The following KLHL29 variants were observed in gnomAD, a reference collection of about 807,000 sequenced individuals.
KLHL29 encodes the protein kelch like family member 29, also known as kelch-like protein 29.
In KLHL29, 21 loss-of-function variants were observed where a neutral mutation model predicts 80.4. The observed-to-expected ratio is 0.26, with a 90% confidence interval of 0.19 to 0.38. The LOEUF (loss-of-function observed/expected upper bound fraction) is 0.38, where lower values mean the gene tolerates loss of function less well. Ranked by LOEUF, KLHL29 falls within the 10% of genes least tolerant of loss-of-function variation. KLHL29 has a pLI of 1.00. For missense variants in KLHL29, 867 were observed against 1,223.9 expected (o/e 0.71, Z 4.35); for synonymous variants, 511 against 526.8 (o/e 0.97, Z 0.41).
chr2:23,469,233 T>C (rs1165917754), intron 1 of KLHL29, among the ~76,000 whole-genome samples: 1 of 151,864 alleles, frequency 6.6e-6, no homozygotes, highest in Non-Finnish European at 1.5e-5. Flanking sequence ...TAGATGGGAG[T>C]AGGCGCTGTG....
intron 1 of KLHL29, among the ~76,000 whole-genome samples, chr2:23,398,988 A>G (rs551228406): frequency 2.5e-4 from 38 of 152,324 alleles, no homozygotes; most frequent in African/African-American, 8.2e-4. Context: ...GAGTGGTTGG[A>G]TGGCAAGCAT....
chr2:23,516,192 A>G (rs1030176378), intron 2 of KLHL29, among the ~76,000 whole-genome samples: 7 of 151,916 alleles, frequency 4.6e-5, no homozygotes, highest in African/African-American at 1.7e-4. Flanking sequence ...AAGTGAGGAG[A>G]GAAGCTAAGG....
At chr2:23,390,784 T>TGGGA (rs1347434571) in intron 1 of KLHL29, among the ~76,000 whole-genome samples, 1 of 151,814 alleles carries the variant, frequency 6.6e-6, no homozygotes. Flanking sequence ...CCAGAGTAGC[T>TGGGA]GGGATTACAG....
rs116734376 is a variant in KLHL29, at chr2:23,435,138, A to G, written c.-153-40422A>G. On this transcript the variant is annotated intron_variant, in intron 1 of 13. Transcript: ENST00000486442. ...CTGGGGAAAGCACCTTAAAAGTGGCAACATTGGAGTGTGGTCTTCAGAATG... is the reference window on the plus strand; with the variant it reads ...CTGGGGAAAGCACCTTAAAAGTGGCGACATTGGAGTGTGGTCTTCAGAATG... Among the ~76,000 whole-genome samples the G allele has an allele frequency of 8.2e-3, 1,251 of 152,282 alleles. 17 individuals are homozygous for G. The highest frequency in any genetic ancestry group is 0.026 in the African/African-American group (1,077 of 41,556).
At position 23,695,760 on chromosome 2, in the gene KLHL29, T is replaced by C. The variant is rs1250545218; in HGVS notation, c.1680T>C (p.His560=). The C allele has an allele frequency of 1.9e-6, 3 of 1,551,290 alleles. No homozygotes were observed. Among genetic ancestry groups the C allele is most frequent in the East Asian group, 2.4e-5 (1 of 40,922 alleles). Residue 560 remains histidine, a synonymous_variant, in exon 9 of 14, where the codon CAT becomes CAC. Transcript: ENST00000486442. The surrounding 1 kb of genome is among the most constrained non-coding windows in gnomAD (Gnocchi z 7.6). ...RDLVNEAKRY[H]MLPHARQEMQ... is the part of the protein sequence containing the mutation. The stretch of plus-strand genomic sequence containing the variant: ...TGGTGAACGAGGCCAAACGCTACCA[T>C]ATGCTGCCCCACGCCCGCCAGGAGA...
chr2:23,514,015 T>A (rs568900547), intron 2 of KLHL29, among the ~76,000 whole-genome samples: 47 of 152,342 alleles, frequency 3.1e-4, no homozygotes, highest in African/African-American at 1.1e-3. Context: ...TCAAACGCAA[T>A]AAATCACAAA....
chr2:23,606,156 A>ATGTGTGTG (rs1401712947), intron 3 of KLHL29, among the ~76,000 whole-genome samples: 59 of 131,476 alleles, frequency 4.5e-4, no homozygotes, highest in Non-Finnish European at 9.5e-4. Flanking sequence ...GTGTGTGTGT[A>ATGTGTGTG]TGTGTGTGTG....
Position 23,503,389 on chromosome 2 carries a change from C to G in KLHL29, c.-46+27722C>G, listed in dbSNP as rs896650753. ...TGACCTTCCATGGCTCTATAATTCT[C>G]TTTGTTATCTTTGGCCACTTACATG... On this transcript the variant is annotated intron_variant, in intron 2 of 13. Transcript: ENST00000486442. The surrounding 1 kb of genome is among the most constrained non-coding windows in gnomAD (Gnocchi z 4.0). Among the ~76,000 whole-genome samples, 1 of 152,240 alleles carries G rather than the reference C, an allele frequency of 6.6e-6. No individual in the cohort carries two copies. Among genetic ancestry groups the G allele is most frequent in the African/African-American group, 2.4e-5 (1 of 41,462 alleles).
chr2:23,454,625 C>T (rs1474508415), intron 1 of KLHL29, among the ~76,000 whole-genome samples: 1 of 152,056 alleles, frequency 6.6e-6, no homozygotes, highest in Non-Finnish European at 1.5e-5. Context: ...TTTTCTGTCT[C>T]CTTGTATAAT....
chr2:23,444,818 C>A (rs1663627100), intron 1 of KLHL29, among the ~76,000 whole-genome samples: 1 of 152,106 alleles, frequency 6.6e-6, no homozygotes, highest in African/African-American at 2.4e-5. Flanking sequence ...GATCAGAGTT[C>A]AAATGAGTTG....
intron 2 of KLHL29, among the ~76,000 whole-genome samples, chr2:23,529,921 G>A (rs952149900): frequency 1.5e-4 from 23 of 152,154 alleles, no homozygotes; most frequent in African/African-American, 5.3e-4. Context: ...GAGAGGCCAC[G>A]GCTTGTCACT....
chr2:23,512,327 C>G (rs1466878952), intron 2 of KLHL29, among the ~76,000 whole-genome samples: 1 of 151,984 alleles, frequency 6.6e-6, no homozygotes, highest in African/African-American at 2.4e-5. Context: ...TCCCTGTAAT[C>G]CCAGCTACTT....
chr2:23,660,594 A>T (rs1268398793), intron 5 of KLHL29, among the ~76,000 whole-genome samples: 1 of 152,252 alleles, frequency 6.6e-6, no homozygotes, highest in Non-Finnish European at 1.5e-5. Flanking sequence ...GACAAGGGGC[A>T]CAGATAACTG....
chr2:23,478,626 G>A (rs551022263), intron 2 of KLHL29, among the ~76,000 whole-genome samples: 43 of 152,264 alleles, frequency 2.8e-4, no homozygotes, highest in South Asian at 1.9e-3. Context: ...CTCAGTTTGC[G>A]CAGAGCCCAA....
At chr2:23,581,828 C>CAAAAAAAAAAA (rs58233449) in intron 3 of KLHL29, among the ~76,000 whole-genome samples, 1 of 82,902 alleles carries the variant, frequency 1.2e-5, no homozygotes, top group Admixed American at 1.7e-4. Context: ...AACTCTGCCT[C>CAAAAAAAAAAA]AAAAAAAAAA....
At chr2:23,538,091 A>G (rs117077894) in intron 2 of KLHL29, among the ~76,000 whole-genome samples, 1 of 152,300 alleles carries the variant, frequency 6.6e-6, no homozygotes, top group East Asian at 1.9e-4. Context: ...TATTTGGGAA[A>G]ACAGACCAGA....
intron 5 of KLHL29, among the ~76,000 whole-genome samples, chr2:23,660,665 G>A (rs1670379119): frequency 6.6e-6 from 1 of 152,238 alleles, no homozygotes; most frequent in Non-Finnish European, 1.5e-5. Context: ...CTCCCCTGTG[G>A]CAGGTGGCAG....
intron 1 of KLHL29, among the ~76,000 whole-genome samples, chr2:23,474,874 G>A (rs1367601281): frequency 1.3e-5 from 2 of 152,030 alleles, no homozygotes; most frequent in African/African-American, 4.8e-5. Flanking sequence ...ACAGTCGTGC[G>A]TTTTGCAGTG....
chr2:23,648,410 T>C (rs1335682093), intron 5 of KLHL29, among the ~76,000 whole-genome samples: 1 of 152,132 alleles, frequency 6.6e-6, no homozygotes, highest in East Asian at 1.9e-4. Flanking sequence ...CCGTGGCCTT[T>C]TAGGGGCCCA....
Sources: allele counts gnomAD v4.1 joint callset (sites outside exome capture counted in the v4.1 genomes callset), GRCh38; gene constraint gnomAD v4.1.1; non-coding constraint Gnocchi (gnomAD v3.1); transcripts MANE v1.5; gene names NCBI Gene and HGNC (gene_info 2026-07-23, HGNC 2026-07-21).